Variants in ZNF385D observed in about 807,000 individuals in gnomAD.
The protein encoded by ZNF385D is zinc finger protein 385D, also known as zinc finger protein 659.
A neutral mutation model predicts 35.8 loss-of-function variants in ZNF385D; 15 were observed. The observed-to-expected ratio is 0.42, with a 90% CI of 0.28 to 0.64. The LOEUF is 0.64. Ranked by LOEUF, ZNF385D falls within the 30% of genes least tolerant of loss-of-function variation. The pLI is 0.23. For missense variants in ZNF385D, 474 were observed against 494.6 expected, an observed-to-expected ratio of 0.96 and a Z score of 0.39; for synonymous variants, 212 against 186.8, an observed-to-expected ratio of 1.13 and a Z score of -1.10.
intron 2 of ZNF385D, among the ~76,000 whole-genome samples, chr3:21,657,705 T>TA (rs2066115127): frequency 6.6e-6 from 1 of 151,358 alleles, no homozygotes; most frequent in South Asian, 2.1e-4. Context: ...GCTTTTTTTT[T>TA]ACTTAAAATT....
chr3:22,368,429 C>T (rs192530523), intron 2 of ZNF385D, among the ~76,000 whole-genome samples: 216 of 152,242 alleles, frequency 1.4e-3, no homozygotes, highest in African/African-American at 4.9e-3. Context: ...CCTCTAATTG[C>T]AAATTTTTTA....
In ZNF385D at chr3:21,750,895, C is replaced by A. The variant is rs2070042912; in HGVS notation, c.22G>T (p.Gly8Cys). 3 of 1,614,152 alleles carry A rather than the reference C, an allele frequency of 1.9e-6. No homozygotes were observed. The East Asian group carries it at 6.7e-5, about 36-fold the overall frequency. Reference sequence around the variant, plus strand: ...TTACATCATCAGAGTGAACACTCACCAAAATACATTATGTTTCTCATTAAT... The same window carrying A: ...TTACATCATCAGAGTGAACACTCACAAAAATACATTATGTTTCTCATTAAT... MRNIMYF[G>C]GTCQSPALPA... Residue 8 changes from glycine (G) to cysteine (C), a missense_variant and splice_region_variant, in exon 1 of 8, where the codon GGT becomes TGT. Coordinates refer to ENST00000281523, the MANE Select transcript of ZNF385D (RefSeq NM_024697.3).
intron 3 of ZNF385D, among the ~76,000 whole-genome samples, chr3:22,147,856 C>G (rs531573547): frequency 6.6e-6 from 1 of 152,116 alleles, no homozygotes; most frequent in East Asian, 1.9e-4. Flanking sequence ...GAAAGAAATA[C>G]TCTCTTTTGC....
At chr3:21,962,482 T>C (rs1437368624) in intron 3 of ZNF385D, among the ~76,000 whole-genome samples, 1 of 152,188 alleles carries the variant, frequency 6.6e-6, no homozygotes, top group African/African-American at 2.4e-5. Flanking sequence ...GCAGGCAGCT[T>C]AGAAATAGCA....
chr3:22,023,833 T>C (rs796552745), intron 3 of ZNF385D, among the ~76,000 whole-genome samples: 8 of 152,178 alleles, frequency 5.3e-5, no homozygotes, highest in African/African-American at 1.7e-4. Flanking sequence ...CTGTACCTGG[T>C]ACAGGGCTGT....
chr3:21,702,256 G>T (rs1458058676), intron 1 of ZNF385D, among the ~76,000 whole-genome samples: 2 of 152,162 alleles, frequency 1.3e-5, no homozygotes, highest in Non-Finnish European at 1.5e-5. Context: ...CTTTACACCT[G>T]CAGGCTTAAC....
rs915692455 is a variant in ZNF385D at position 21,737,697 on chromosome 3, A to G, written c.22+13198T>C. Among the ~76,000 whole-genome samples the G allele has an allele frequency of 2.0e-5, 3 of 152,324 alleles. No individual in the cohort carries two copies. In the East Asian group the frequency reaches 5.8e-4, roughly 29 times the overall value. Reference sequence around the variant, plus strand: ...AGTACAAAAATATTCTATTGAACATATTCAAAGAGTACATGTTCTCTCTCA... The same window carrying G: ...AGTACAAAAATATTCTATTGAACATGTTCAAAGAGTACATGTTCTCTCTCA... On this transcript the variant is annotated intron_variant, in intron 1 of 7. Coordinates refer to ENST00000281523, the MANE Select transcript of ZNF385D (RefSeq NM_024697.3).
At chr3:22,026,045 C>A (rs111604727) in intron 3 of ZNF385D, among the ~76,000 whole-genome samples, 1 of 152,024 alleles carries the variant, frequency 6.6e-6, no homozygotes, top group African/African-American at 2.4e-5. Context: ...TAGGCTGACT[C>A]GAGTAGAGCT....
intron 2 of ZNF385D, among the ~76,000 whole-genome samples, chr3:22,172,515 C>A (rs1205444533): frequency 6.6e-6 from 1 of 152,262 alleles, no homozygotes; most frequent in Middle Eastern, 3.4e-3. Flanking sequence ...GAAATGTCAC[C>A]ACCTTTGCCA....
intron 2 of ZNF385D, among the ~76,000 whole-genome samples, chr3:22,181,862 T>C (rs114124149): frequency 0.011 from 1,721 of 152,204 alleles, 33 homozygotes; most frequent in African/African-American, 0.039. Context: ...CTTCTACAAT[T>C]TGAAAAAAAT....
chr3:22,263,592 G>A (rs774081216), intron 2 of ZNF385D, among the ~76,000 whole-genome samples: 19 of 151,892 alleles, frequency 1.3e-4, no homozygotes, highest in Non-Finnish European at 2.5e-4. Flanking sequence ...AGTTTTGTCC[G>A]TATTCATTAC....
chr3:22,146,534 T>C (rs1280940471), intron 3 of ZNF385D, among the ~76,000 whole-genome samples: 4 of 152,192 alleles, frequency 2.6e-5, no homozygotes, highest in Admixed American at 6.6e-5. Context: ...ATTATTATAA[T>C]TTACTTTTTA....
At chr3:21,690,864 C>T (rs1253623687) in intron 1 of ZNF385D, among the ~76,000 whole-genome samples, 1 of 152,158 alleles carries the variant, frequency 6.6e-6, no homozygotes, top group Non-Finnish European at 1.5e-5. Flanking sequence ...CGCTGCATGT[C>T]ATCATTCATA....
chr3:21,656,751 A>G (rs1192019540), intron 2 of ZNF385D, among the ~76,000 whole-genome samples: 1 of 151,934 alleles, frequency 6.6e-6, no homozygotes, highest in Non-Finnish European at 1.5e-5. Flanking sequence ...TAGCCATGAA[A>G]CTGGACATCA....
intron 3 of ZNF385D, among the ~76,000 whole-genome samples, chr3:21,944,088 T>C (rs1701662147): frequency 6.6e-6 from 1 of 152,220 alleles, no homozygotes; most frequent in African/African-American, 2.4e-5. Flanking sequence ...TGTATTGTAC[T>C]TAAGTAAAAG....
intron 3 of ZNF385D, among the ~76,000 whole-genome samples, chr3:21,815,861 G>T (rs914285078): frequency 1.9e-4 from 29 of 152,198 alleles, no homozygotes; most frequent in African/African-American, 5.8e-4. Flanking sequence ...ACCAACGCCT[G>T]GCAGAGACAC....
chr3:22,320,812 ATT>A (rs1159370551), intron 2 of ZNF385D, among the ~76,000 whole-genome samples: 2 of 151,716 alleles, frequency 1.3e-5, no homozygotes, highest in South Asian at 4.2e-4. Flanking sequence ...AATCAAAGTA[ATT>A]TTTTGATTTT....
At chr3:21,580,495 TTGATTA>T (rs1343691260) in intron 2 of ZNF385D, among the ~76,000 whole-genome samples, 1 of 152,190 alleles carries the variant, frequency 6.6e-6, no homozygotes, top group Admixed American at 6.5e-5. Flanking sequence ...CATTGTTTGG[TTGATTA>T]TGAAAGACAT....
At chr3:21,892,980 A>G (rs1698953459) in intron 3 of ZNF385D, among the ~76,000 whole-genome samples, 1 of 152,182 alleles carries the variant, frequency 6.6e-6, no homozygotes, top group Non-Finnish European at 1.5e-5. Context: ...GGTCCTATGT[A>G]AAGTGTGATT....
Sources: allele counts gnomAD v4.1 joint callset (sites outside exome capture counted in the v4.1 genomes callset), GRCh38; gene constraint gnomAD v4.1.1; transcripts MANE v1.5; gene names NCBI Gene and HGNC (gene_info 2026-07-23, HGNC 2026-07-21).